GATB: variants seen among roughly 807,000 people sequenced by gnomAD.
GATB encodes glutamyl-tRNA(Gln) amidotransferase subunit B, mitochondrial.
A neutral mutation model predicts 62.3 loss-of-function variants in GATB; 39 were observed. The observed-to-expected ratio is 0.63, with a 90% CI of 0.48 to 0.82. The LOEUF (loss-of-function observed/expected upper bound fraction) is 0.82. GATB is among the 40% of genes least tolerant of loss of function. GATB has a pLI of 0.00. For missense variants in GATB, 670 were observed against 684.0 expected, an observed-to-expected ratio of 0.98 and a Z score of 0.23; for synonymous variants, 276 against 258.9, an observed-to-expected ratio of 1.07 and a Z score of -0.63.
chr4:151,675,539 T>C (rs1186908162), intron 11 of GATB: 1 of 152,212 alleles, frequency 6.6e-6, no homozygotes, highest in Admixed American at 6.5e-5. Context: ...ACTCTCCTGC[T>C]CCTGGCCCTC....
Position 151,751,039 on chromosome 4 carries a change from A to C in GATB, c.327+7733T>G, listed in dbSNP as rs189408826. The stretch of plus-strand genomic sequence containing the variant: ...TCCATAAAGTCAGTTAGAAAAAAGG[A>C]TGGTAGGTCATGTCTCCCCCAGGGA... On this transcript the variant is annotated intron_variant, in intron 2 of 12. Transcript: ENST00000263985. Among the ~76,000 whole-genome samples the C allele has an allele frequency of 1.1e-4, 16 of 152,286 alleles. No homozygotes were observed. In the East Asian group the frequency reaches 3.1e-3, roughly 29 times the overall value.
chr4:151,707,850 C>T, intron 6 of GATB, 138 bp downstream of exon 6: 1 of 619,210 alleles, frequency 1.6e-6, no homozygotes. Context: ...CATGAGTGAG[C>T]CGACACAGGA....
chr4:151,671,934 G>A (rs1389002907), intron 12 of GATB, among the ~76,000 whole-genome samples: 1 of 152,144 alleles, frequency 6.6e-6, no homozygotes, highest in Non-Finnish European at 1.5e-5. Context: ...AATGACATGA[G>A]GATCTGCACT....
chr4:151,744,704 G>C (rs1229782182), intron 2 of GATB, among the ~76,000 whole-genome samples: 1 of 152,198 alleles, frequency 6.6e-6, no homozygotes, highest in African/African-American at 2.4e-5. Context: ...TGTGAAGAGA[G>C]AGGCTTTCAA....
In GATB at chr4:151,719,531, T is replaced by C. The variant is rs751345452; in HGVS notation, c.335A>G (p.Asn112Ser). Residue 112 changes from asparagine to serine, a missense_variant, in exon 3 of 13, where the codon AAC (asparagine) becomes AGC (serine). Physicochemically the swap from Asn to Ser is conservative, Grantham distance 46. Transcript: ENST00000263985. ...ASLPGTLPVL[N>S]RRCVEAAVMT... ...CACCGCCGCTTCTACACACCTCCTG[T>C]TGAGAACCTATGGGAACACAACACA... is the stretch of plus-strand genomic sequence containing the variant. 6.2e-7 allele frequency: 1 copy of C among 1,603,664 alleles called. No individual in the cohort carries two copies. Among genetic ancestry groups the C allele is most frequent in the Non-Finnish European group, 8.5e-7 (1 of 1,175,010 alleles).
chr4:151,745,090 A>C (rs1739569765), intron 2 of GATB, among the ~76,000 whole-genome samples: 1 of 152,196 alleles, frequency 6.6e-6, no homozygotes, highest in South Asian at 2.1e-4. Flanking sequence ...CATAATTATA[A>C]ATCTTTCAGA....
intron 8 of GATB, 21 bp downstream of exon 8, chr4:151,703,830 T>C: frequency 2.0e-6 from 3 of 1,535,192 alleles, no homozygotes; most frequent in Non-Finnish European, 2.7e-6. Context: ...ATAGCGGTAT[T>C]TTGCCATAAG....
intron 2 of GATB, among the ~76,000 whole-genome samples, chr4:151,733,550 G>A (rs182154157): frequency 1.3e-5 from 2 of 152,112 alleles, no homozygotes; most frequent in Non-Finnish European, 2.9e-5. Flanking sequence ...CAAAGAATTG[G>A]TATCAATCCT....
At chr4:151,720,503 A>G (rs533603841) in intron 2 of GATB, 7 of 152,308 alleles carry the variant, frequency 4.6e-5, no homozygotes, top group Non-Finnish European at 1.0e-4. Context: ...ATTTTGGAGG[A>G]TGTCATGTTT....
At chr4:151,741,237 T>C (rs960853766) in intron 2 of GATB, among the ~76,000 whole-genome samples, 4 of 152,248 alleles carry the variant, frequency 2.6e-5, no homozygotes, top group Non-Finnish European at 5.9e-5. Flanking sequence ...ATCAAAGTTA[T>C]ATGAATGTGG....
intron 1 of GATB, among the ~76,000 whole-genome samples, chr4:151,759,586 C>T (rs570124611): frequency 1.3e-5 from 2 of 152,240 alleles, no homozygotes; most frequent in South Asian, 4.1e-4. Context: ...ATTCCTGAGA[C>T]CTAATTTCAG....
At chr4:151,704,044 A>C in intron 7 of GATB, 149 bp from the exon 8 acceptor site, 1 of 580,716 alleles carries the variant, frequency 1.7e-6, no homozygotes, top group Non-Finnish European at 3.1e-6. Flanking sequence ...TACATTCAAA[A>C]AACAATCATA....
chr4:151,699,628 C>T (rs1738558317), intron 9 of GATB, among the ~76,000 whole-genome samples: 5 of 152,092 alleles, frequency 3.3e-5, no homozygotes, highest in Admixed American at 3.3e-4. Flanking sequence ...AGGCACTGTC[C>T]CCATCACCGC....
At chr4:151,739,475 G>A (rs1241041117) in intron 2 of GATB, among the ~76,000 whole-genome samples, 1 of 152,156 alleles carries the variant, frequency 6.6e-6, no homozygotes, top group Admixed American at 6.5e-5. Flanking sequence ...CCAAGATGCC[G>A]CAGCGTAGAA....
chr4:151,679,770 G>T, intron 11 of GATB, 43 bp downstream of exon 11: 1 of 1,523,832 alleles, frequency 6.6e-7, no homozygotes, highest in South Asian at 1.1e-5. Context: ...AACATTTCTT[G>T]GGACAGTAGC....
At chr4:151,722,575 T>C (rs1342294630) in intron 2 of GATB, 1 of 210,378 alleles carries the variant, frequency 4.8e-6, no homozygotes, top group Non-Finnish European at 9.3e-6. Context: ...CTCCCCATTC[T>C]TATTCCCTTC....
chr4:151,690,852 T>G (rs1006137281), intron 9 of GATB, among the ~76,000 whole-genome samples: 3 of 152,014 alleles, frequency 2.0e-5, no homozygotes, highest in Non-Finnish European at 4.4e-5. Flanking sequence ...GACAGGAAAA[T>G]CTGTGGTGGT....
At chr4:151,740,571 A>G (rs939543861) in intron 2 of GATB, among the ~76,000 whole-genome samples, 21 of 152,360 alleles carry the variant, frequency 1.4e-4, no homozygotes, top group African/African-American at 4.8e-4. Flanking sequence ...ACCATCATAT[A>G]TGTAGTCTGT....
intron 11 of GATB, chr4:151,674,335 T>G (rs912432275): frequency 6.6e-6 from 1 of 152,240 alleles, no homozygotes; most frequent in Non-Finnish European, 1.5e-5. Flanking sequence ...GCAGAAGCAC[T>G]GGGGACCTGG....
Sources: allele counts gnomAD v4.1 joint callset (sites outside exome capture counted in the v4.1 genomes callset), GRCh38; gene constraint gnomAD v4.1.1; transcripts MANE v1.5; gene names NCBI Gene and HGNC (gene_info 2026-07-23, HGNC 2026-07-21).